DOT1L: variants seen among roughly 807,000 people sequenced by gnomAD.
The protein encoded by DOT1L is DOT1 like histone lysine methyltransferase.
In DOT1L, 33 loss-of-function variants were observed where a neutral mutation model predicts 153.3. The observed-to-expected ratio is 0.22, with a 90% CI of 0.16 to 0.29. The LOEUF is 0.29. Among genes scored for constraint, DOT1L ranks in the 10% least tolerant of loss-of-function variants. The probability of loss-of-function intolerance (pLI) is 1.00; values close to 1 mark genes in which losing one functional copy is unlikely to be tolerated. For missense variants in DOT1L, 1,847 were observed against 2,119.9 expected (o/e 0.87, Z 2.53); for synonymous variants, 1,135 against 965.1 (o/e 1.18, Z -3.26).
intron 1 of DOT1L, among the ~76,000 whole-genome samples, chr19:2,175,548 G>C (rs891206073): frequency 3.3e-5 from 5 of 152,202 alleles, no homozygotes; most frequent in South Asian, 2.1e-4. Context: ...AATTGTTCTG[G>C]CTGGACGCAG....
In DOT1L at chr19:2,225,429, C is replaced by T. The variant is rs2024285567; in HGVS notation, c.3638C>T (p.Ser1213Phe). The part of the protein sequence containing the change: ...KIATISLESK[S>F]PPKTLENGGG... ...GCAACAATCTCCTTAGAAAGCAAAT[C>T]TCCCCCGAAAACCTTGGAAAATGGT... Residue 1213 changes from serine (S) to phenylalanine (F), a missense_variant, in exon 26 of 28, where the codon TCT becomes TTT. Around this residue, in one of 8 missense-constraint regions of DOT1L, gnomAD observed 934 missense variants for 825.3 expected, o/e 1.13. Coordinates refer to ENST00000398665, the MANE Select transcript of DOT1L (RefSeq NM_032482.3). 3 of 1,614,230 alleles carry T rather than the reference C, an allele frequency of 1.9e-6. No homozygotes were observed. Among genetic ancestry groups the T allele is most frequent in the Non-Finnish European group, 1.7e-6 (2 of 1,180,030 alleles).
At position 2,231,417 on chromosome 19, in the gene DOT1L, TTGC is replaced by T; in HGVS notation, c.*1627_*1629del. ...AGCCACGGAGGAAAGGCTTCTGTGGTTGCTAGGTGGGGGAGTCCTGTGTGGGAG... is the reference window on the plus strand; with the variant it reads ...AGCCACGGAGGAAAGGCTTCTGTGGTTAGGTGGGGGAGTCCTGTGTGGGAG... On this transcript the variant is annotated 3_prime_UTR_variant, in exon 28 of 28. Transcript: ENST00000398665. 1 of 204,216 alleles carries T rather than the reference TTGC, an allele frequency of 4.9e-6. No individual in the cohort carries two copies. The highest frequency in any genetic ancestry group is 7.4e-5 in the East Asian group (1 of 13,462). The allele number at this position is 204,216 out of a possible 1,614,324, so 12.7% of individuals were successfully genotyped here.
rs1032538473 is a variant in DOT1L at position 2,217,598 on chromosome 19, G to A, written c.2545-174G>A. Among the ~76,000 whole-genome samples, 6 of 152,148 alleles carry A rather than the reference G, an allele frequency of 3.9e-5. No individual in the cohort carries two copies. Among genetic ancestry groups the A allele is most frequent in the African/African-American group, 1.4e-4 (6 of 41,438 alleles). On this transcript the variant is annotated intron_variant, in intron 21 of 27. Transcript: ENST00000398665. This position sits in a 1 kb window ranked among gnomAD's most constrained non-coding sequence, Gnocchi z 7.3. Reference sequence around the variant, plus strand: ...ACCAGGAGCGTGCCGTCCCTCTGGAGTGTCCCAAAGCCGGTGTCCAGGAGG... The same window carrying A: ...ACCAGGAGCGTGCCGTCCCTCTGGAATGTCCCAAAGCCGGTGTCCAGGAGG...
Position 2,204,964 on chromosome 19 carries a change from T to C in DOT1L, c.788-1765T>C, listed in dbSNP as rs1312173181. 6.6e-6 allele frequency among the ~76,000 whole-genome samples: 1 copy of C among 151,924 alleles called. No individual in the cohort carries two copies. The highest frequency in any genetic ancestry group is 1.5e-5 in the Non-Finnish European group (1 of 67,986). On this transcript the variant is annotated intron_variant, in intron 9 of 27. Transcript: ENST00000398665. The surrounding 1 kb of genome is among the most constrained non-coding windows in gnomAD (Gnocchi z 5.7). ...GTGCATGTGTTTAAATGGATCCACT[T>C]TGACTTTTAATTTTTTTTTTTTTGG...
At position 2,222,909 on chromosome 19, in the gene DOT1L, G is replaced by A. The variant is rs2024181516; in HGVS notation, c.3390+350G>A. The A allele has an allele frequency of 2.5e-6, 1 of 405,352 alleles. No homozygotes were observed. The highest frequency in any genetic ancestry group is 4.4e-6 in the Non-Finnish European group (1 of 227,272). The allele number at this position is 405,352 out of a possible 1,614,324, so 25.1% of individuals were successfully genotyped here. A position where few individuals can be genotyped will look rare whatever the true frequency, so the allele number is the denominator to read the frequency against. ...AAAAAAAACACAAAAAAAAACAGGT[G>A]GAGGCAGGGGGCCATGACTGAGCCC... On this transcript the variant is annotated intron_variant, in intron 24 of 27. Transcript: ENST00000398665. The surrounding 1 kb of genome is among the most constrained non-coding windows in gnomAD (Gnocchi z 6.5).
In DOT1L at chr19:2,220,436, CTGGG is replaced by C. The variant is rs1369305145; in HGVS notation, c.2806+216_2806+219del. 7.5e-6 allele frequency: 5 copies of C among 665,908 alleles called. No individual in the cohort carries two copies. The highest frequency in any genetic ancestry group is 1.8e-5 in the African/African-American group (1 of 56,324). 41.2% of individuals were successfully genotyped at this position (665,908 alleles called of 1,614,324 possible). ...AGCTGCAGCCATCTCGGCCTCATAC[CTGGG>C]TCTCCCGACACTGACACCTCCTGCT... On this transcript the variant is annotated intron_variant, in intron 23 of 27. Transcript: ENST00000398665. The surrounding 1 kb of genome is among the most constrained non-coding windows in gnomAD (Gnocchi z 4.5).
intron 7 of DOT1L, 94 bp downstream of exon 7, chr19:2,194,671 A>G (rs1300492743): frequency 6.8e-7 from 1 of 1,469,068 alleles, no homozygotes; most frequent in Non-Finnish European, 9.3e-7. Flanking sequence ...ATGTTGGCAC[A>G]TGGCTGTTGG....
intron 2 of DOT1L, 76 bp from the exon 3 acceptor site, chr19:2,185,775 AAAAC>A: frequency 1.3e-6 from 2 of 1,522,302 alleles, no homozygotes; most frequent in African/African-American, 1.4e-5. Context: ...TCTCAAAACA[AAAAC>A]AAAAACAAAA....
rs755514591 is a variant in DOT1L, at chr19:2,210,753, A to G, written c.1249A>G (p.Met417Val). 3 of 1,613,100 alleles carry G rather than the reference A, an allele frequency of 1.9e-6. No individual in the cohort carries two copies. Among genetic ancestry groups the G allele is most frequent in the Non-Finnish European group, 2.5e-6 (3 of 1,179,994 alleles). The change falls in exon 14 of 28, where the codon ATG becomes GTG. Residue 417 changes from methionine (M) to valine (V), a missense_variant. Physicochemically the swap from Met to Val is conservative, Grantham distance 21 (BLOSUM62 1). Transcript: ENST00000398665. ...CCGCAAGCGCGGGCGCCCCAAGAAG[A>G]TGAACACTGCGAACCCCGAGCGGAA... ...AGRKRGRPKK[M>V]NTANPERKPK...
intron 3 of DOT1L, among the ~76,000 whole-genome samples, chr19:2,188,923 A>G (rs545843992): frequency 1.3e-5 from 2 of 152,220 alleles, no homozygotes; most frequent in South Asian, 4.2e-4. Flanking sequence ...CACGTGCCCC[A>G]CAGACAGTGG....
intron 27 of DOT1L, 27 bp from the exon 28 acceptor site, chr19:2,229,758 C>T (rs200400207): frequency 6.6e-4 from 1,067 of 1,613,036 alleles, no homozygotes; most frequent in Non-Finnish European, 8.2e-4. Flanking sequence ...AACCTCAGGC[C>T]GCTCTTCCCG....
intron 23 of DOT1L, chr19:2,221,589 A>C (rs2024116437): frequency 4.3e-6 from 1 of 230,790 alleles, no homozygotes; most frequent in African/African-American, 2.3e-5. Flanking sequence ...TTCTGAGAAC[A>C]GGAGGGAGGG....
In DOT1L at chr19:2,226,445, GGGCACCAACCCTGCCAAC is replaced by G. The variant is rs1555728973; in HGVS notation, c.3928_3945del (p.Thr1310_Gly1315del). The G allele has an allele frequency of 6.2e-7, 1 of 1,601,494 alleles. No individual in the cohort carries two copies. Among genetic ancestry groups the G allele is most frequent in the Non-Finnish European group, 8.5e-7 (1 of 1,179,270 alleles). On this transcript the variant is annotated inframe_deletion, in exon 27 of 28. Coordinates refer to ENST00000398665, the MANE Select transcript of DOT1L (RefSeq NM_032482.3). Reference sequence around the variant, plus strand: ...TGTCGGGGGCTGACGGACTCAGCCCGGGCACCAACCCTGCCAACGGCTGCACCTTCGGCGGGGGCCTGG... The same window carrying G: ...TGTCGGGGGCTGACGGACTCAGCCCGGGCTGCACCTTCGGCGGGGGCCTGG...
chr19:2,210,735 C>G lies in DOT1L; in HGVS notation c.1231C>G (p.Arg411Gly), dbSNP rs2144832180. The G allele has an allele frequency of 1.2e-6, 2 of 1,613,190 alleles. No homozygotes were observed. The highest frequency in any genetic ancestry group is 1.7e-6 in the Non-Finnish European group (2 of 1,180,022). Residue 411 changes from arginine to glycine, a missense_variant, in exon 14 of 28, where the codon CGC becomes GGC. Around this residue, in one of 8 missense-constraint regions of DOT1L, gnomAD observed 205 missense variants for 203.1 expected, o/e 1.01. Transcript: ENST00000398665. ...GGGGAGGAAGATGGCTGGCCGCAAGCGCGGGCGCCCCAAGAAGATGAACAC... is the reference window on the plus strand; with the variant it reads ...GGGGAGGAAGATGGCTGGCCGCAAGGGCGGGCGCCCCAAGAAGATGAACAC... ...KKGRKMAGRK[R>G]GRPKKMNTAN...
intron 1 of DOT1L, among the ~76,000 whole-genome samples, chr19:2,165,575 C>T (rs1197882759): frequency 6.6e-6 from 1 of 152,246 alleles, no homozygotes. Flanking sequence ...AGAGGCCGCG[C>T]TTCAGCGCCC....
chr19:2,228,246 G>A (rs1006832241), intron 27 of DOT1L: 9 of 1,362,232 alleles, frequency 6.6e-6, no homozygotes, highest in South Asian at 3.4e-5. Context: ...GGCCGCGCCC[G>A]GGATCCCACA....
At chr19:2,188,833 C>T (rs976208713) in intron 3 of DOT1L, among the ~76,000 whole-genome samples, 1 of 152,238 alleles carries the variant, frequency 6.6e-6, no homozygotes, top group African/African-American at 2.4e-5. Flanking sequence ...AGGCAGACCC[C>T]GTAGCAGGCT....
chr19:2,178,355 C>T (rs1429429981), intron 1 of DOT1L, among the ~76,000 whole-genome samples: 2 of 141,852 alleles, frequency 1.4e-5, no homozygotes, highest in African/African-American at 5.4e-5. Flanking sequence ...ATGGTGAAAC[C>T]TTGTCTCTAC....
chr19:2,229,417 G>C (rs920903482), intron 27 of DOT1L: 3 of 985,482 alleles, frequency 3.0e-6, no homozygotes, highest in East Asian at 1.1e-4. Context: ...GAGCCAAGGC[G>C]GAGGCTGTGG....
Sources: allele counts gnomAD v4.1 joint callset (sites outside exome capture counted in the v4.1 genomes callset), GRCh38; gene constraint gnomAD v4.1.1; regional missense constraint gnomAD v4.1.1; non-coding constraint Gnocchi (gnomAD v3.1); transcripts MANE v1.5; gene names NCBI Gene and HGNC (gene_info 2026-07-23, HGNC 2026-07-21).